ROS1: variants seen among roughly 807,000 people sequenced by gnomAD.
The protein encoded by ROS1 is proto-oncogene tyrosine-protein kinase ROS.
A neutral mutation model predicts 273.5 loss-of-function variants in ROS1; 263 were observed. The observed-to-expected ratio is 0.96, with a 90% confidence interval of 0.87 to 1.06. ROS1 has a LOEUF of 1.06. ROS1 is among the 50% of genes least tolerant of loss of function. The pLI, the probability that ROS1 is intolerant of heterozygous loss-of-function variation, is 0.00. For synonymous variants in ROS1, 1,008 were observed against 954.1 expected, an observed-to-expected ratio of 1.06 and a Z score of -1.04; for missense variants, 2,833 against 2,751.1, an observed-to-expected ratio of 1.03 and a Z score of -0.67.
chr6:117,327,372 G>A (rs149531446), intron 33 of ROS1, among the ~76,000 whole-genome samples: 217 of 152,266 alleles, frequency 1.4e-3, no homozygotes, highest in African/African-American at 4.8e-3. Flanking sequence ...ATTTTGTGAC[G>A]TCTCACCTTT....
At chr6:117,318,797 T>A (rs1486000222) in intron 37 of ROS1, among the ~76,000 whole-genome samples, 1 of 152,112 alleles carries the variant, frequency 6.6e-6, no homozygotes, top group Non-Finnish European at 1.5e-5. Flanking sequence ...TCTCACACCA[T>A]CTTTCCTCCT....
chr6:117,372,859 G>C (rs1004949797), intron 18 of ROS1, among the ~76,000 whole-genome samples: 19 of 152,210 alleles, frequency 1.2e-4, no homozygotes, highest in Admixed American at 1.2e-3. Context: ...GGTTGCCACA[G>C]CTGGCTTGGG....
At chr6:117,361,094 T>C (rs1008677944) in intron 22 of ROS1, among the ~76,000 whole-genome samples, 4 of 152,156 alleles carry the variant, frequency 2.6e-5, no homozygotes, top group African/African-American at 9.6e-5. Flanking sequence ...AAGTAACTCA[T>C]GCACAATGAC....
chr6:117,302,620 A>G (rs534645862), intron 42 of ROS1, among the ~76,000 whole-genome samples: 1 of 152,320 alleles, frequency 6.6e-6, no homozygotes, highest in South Asian at 2.1e-4. Flanking sequence ...GGCCCAGGGA[A>G]TCCATTCCTG....
chr6:117,396,455 T>C (rs955301648), intron 8 of ROS1, among the ~76,000 whole-genome samples, 191 bp from the exon 9 acceptor site: 1 of 152,146 alleles, frequency 6.6e-6, no homozygotes, highest in Admixed American at 6.5e-5. Flanking sequence ...CTAGAACAGT[T>C]CAGGGTCATA....
chr6:117,321,415 TA>T, intron 35 of ROS1, 21 bp from the exon 36 acceptor site: 2 of 1,570,404 alleles, frequency 1.3e-6, no homozygotes, highest in East Asian at 2.3e-5. Context: ...AAAAATGACA[TA>T]ATTTACAAAA....
Position 117,300,981 on chromosome 6 carries a change from G to A in ROS1, c.6708C>T (p.Ser2236=), listed in dbSNP as rs1310399838. Residue 2236 remains serine (S), a synonymous_variant, in exon 43 of 44, where the codon AGC becomes AGT. Transcript: ENST00000368507. The stretch of plus-strand genomic sequence containing the variant: ...CTGAAGAATCAAACTTACCTTCAAA[G>A]CTTTCATTTATGACTCCACTGTTGT... The part of the protein sequence containing the change: ...EANNSGVINE[S]FEGEDGDVIC... The A allele has an allele frequency of 6.4e-7, 1 of 1,562,436 alleles. No individual in the cohort carries two copies. Among genetic ancestry groups the A allele is most frequent in the East Asian group, 2.3e-5 (1 of 42,866 alleles).
At chr6:117,306,014 C>T (rs375439853) in intron 42 of ROS1, among the ~76,000 whole-genome samples, 2 of 146,628 alleles carry the variant, frequency 1.4e-5, no homozygotes. Context: ...AAACTCTTTA[C>T]AACTCTTCTC....
chr6:117,292,086 C>T (rs1239769335), intron 43 of ROS1, among the ~76,000 whole-genome samples: 1 of 151,980 alleles, frequency 6.6e-6, no homozygotes, highest in Non-Finnish European at 1.5e-5. Context: ...TCTCCTACCT[C>T]AGCCTCTCTA....
At chr6:117,292,486 G>A (rs35829151) in intron 43 of ROS1, among the ~76,000 whole-genome samples, 12,346 of 152,108 alleles carry the variant, frequency 0.081, 624 homozygotes, top group East Asian at 0.17. Context: ...CTTTCTGGCT[G>A]CTCCTCCCCA....
chr6:117,412,564 C>G, intron 4 of ROS1, among the ~76,000 whole-genome samples: 1 of 150,460 alleles, frequency 6.6e-6, no homozygotes, highest in Non-Finnish European at 1.5e-5. Flanking sequence ...GTGTGGATAA[C>G]TGAGGTGATA....
chr6:117,404,485 G>C (rs1182549125), intron 5 of ROS1, 57 bp from the exon 6 acceptor site: 2 of 1,528,182 alleles, frequency 1.3e-6, no homozygotes, highest in Admixed American at 3.8e-5. Context: ...GCGCAAGAGA[G>C]TGTGTGCCTC....
Position 117,397,060 on chromosome 6 carries a change from C to G in ROS1, c.661G>C (p.Glu221Gln), listed in dbSNP as rs372381027. The change falls in exon 8 of 44, where the codon GAA (glutamate) becomes CAA (glutamine). Residue 221 changes from glutamate to glutamine, a missense_variant. By Grantham distance (29) the Glu-to-Gln change is conservative (BLOSUM62 2). Coordinates refer to ENST00000368507, the MANE Select transcript of ROS1 (RefSeq NM_001378902.1). ...NIESSSPDTV[E>Q]VSWDPPQFPG... Reference sequence around the variant, plus strand: ...AATTGAGGTGGATCCCAGCTGACTTCCACAGTGTCGGGACTTGAGCTCTCA... The same window carrying G: ...AATTGAGGTGGATCCCAGCTGACTTGCACAGTGTCGGGACTTGAGCTCTCA... 11 of 1,613,864 alleles carry G rather than the reference C, an allele frequency of 6.8e-6. No individual in the cohort carries two copies. Among genetic ancestry groups the G allele is most frequent in the Non-Finnish European group, 8.5e-6 (10 of 1,179,898 alleles).
chr6:117,425,451 G>C, intron 1 of ROS1, 83 bp downstream of exon 1: 1 of 1,382,944 alleles, frequency 7.2e-7, no homozygotes, highest in Non-Finnish European at 9.6e-7. Flanking sequence ...CTCATAAAGA[G>C]AAAACAATTC....
intron 35 of ROS1, among the ~76,000 whole-genome samples, chr6:117,321,802 A>C (rs1217955017): frequency 1.3e-5 from 2 of 151,712 alleles, no homozygotes; most frequent in East Asian, 1.9e-4. Flanking sequence ...CCTCAGTAGA[A>C]AAGAAAATGC....
chr6:117,332,625 C>T (rs1777166163), intron 32 of ROS1, among the ~76,000 whole-genome samples: 1 of 152,070 alleles, frequency 6.6e-6, no homozygotes, highest in Non-Finnish European at 1.5e-5. Flanking sequence ...TGCAAAAGAG[C>T]TGAAATCATA....
intron 32 of ROS1, among the ~76,000 whole-genome samples, chr6:117,334,982 T>C (rs1028476491): frequency 1.3e-5 from 2 of 152,120 alleles, no homozygotes; most frequent in Non-Finnish European, 2.9e-5. Context: ...AAAGCCAAAA[T>C]AGACAAATGG....
chr6:117,336,220 A>G (rs896531396), intron 32 of ROS1, among the ~76,000 whole-genome samples: 1 of 152,046 alleles, frequency 6.6e-6, no homozygotes, highest in African/African-American at 2.4e-5. Context: ...GGTTTGTTAC[A>G]TGGGTAAACA....
At chr6:117,316,829 T>C (rs1775954933) in intron 39 of ROS1, among the ~76,000 whole-genome samples, 1 of 152,050 alleles carries the variant, frequency 6.6e-6, no homozygotes, top group South Asian at 2.1e-4. Context: ...GACAGGCATA[T>C]AGATTAAGTA....
Sources: allele counts gnomAD v4.1 joint callset (sites outside exome capture counted in the v4.1 genomes callset), GRCh38; gene constraint gnomAD v4.1.1; transcripts MANE v1.5; gene names NCBI Gene and HGNC (gene_info 2026-07-23, HGNC 2026-07-21).